The following FAM53B variants were observed in gnomAD, a reference collection of about 807,000 sequenced individuals.
The protein encoded by FAM53B is family with sequence similarity 53 member B.
In FAM53B, 12 loss-of-function variants were observed where a neutral mutation model predicts 32.7. That is an observed-to-expected ratio of 0.37 (90% CI 0.24 to 0.59). FAM53B has a LOEUF of 0.59. FAM53B is among the 20% of genes least tolerant of loss of function. The pLI is 0.72. For synonymous variants in FAM53B, 234 were observed against 228.7 expected (o/e 1.02, Z -0.21); for missense variants, 477 against 577.7 (o/e 0.83, Z 1.79).
intron 2 of FAM53B, among the ~76,000 whole-genome samples, chr10:124,705,903 C>T (rs1949954175): frequency 6.6e-6 from 1 of 152,238 alleles, no homozygotes. Flanking sequence ...CAGTTGGCCC[C>T]TTCCTGATCA....
At chr10:124,709,922 A>G (rs1949989191) in intron 1 of FAM53B, among the ~76,000 whole-genome samples, 1 of 152,014 alleles carries the variant, frequency 6.6e-6, no homozygotes, top group Admixed American at 6.5e-5. Flanking sequence ...AGTTCCGGAG[A>G]GGAACCACGT....
chr10:124,678,231 C>T (rs567850976), intron 4 of FAM53B, among the ~76,000 whole-genome samples: 5 of 152,326 alleles, frequency 3.3e-5, no homozygotes, highest in African/African-American at 7.2e-5. Flanking sequence ...CCAAGTCCTG[C>T]GACTGTGACG....
At position 124,621,219 on chromosome 10, in the gene FAM53B, T is replaced by C. The variant is rs1478633973; in HGVS notation, c.*2023A>G. 6.6e-6 allele frequency: 1 copy of C among 152,184 alleles called. No individual in the cohort carries two copies. The highest frequency in any genetic ancestry group is 1.5e-5 in the Non-Finnish European group (1 of 68,026). The allele number at this position is 152,184 out of a possible 1,614,324, so 9.4% of individuals were successfully genotyped here. ...GCCCTCGGCCACACCGGGCATGTGG[T>C]GCCAGGACCCCCCACGCCCAGTGGT... On this transcript the variant is annotated 3_prime_UTR_variant, in exon 5 of 5. Coordinates refer to ENST00000337318, the MANE Select transcript of FAM53B (RefSeq NM_014661.4).
At chr10:124,689,769 C>CA (rs1949822757) in intron 3 of FAM53B, among the ~76,000 whole-genome samples, 1 of 152,218 alleles carries the variant, frequency 6.6e-6, no homozygotes, top group Non-Finnish European at 1.5e-5. Context: ...TTTGCTCTTA[C>CA]AAAAAGATGC....
At chr10:124,631,321 AAGG>A (rs1286830092) in intron 4 of FAM53B, among the ~76,000 whole-genome samples, 1 of 152,126 alleles carries the variant, frequency 6.6e-6, no homozygotes, top group Non-Finnish European at 1.5e-5. Flanking sequence ...GGAGTGGGGG[AAGG>A]AGGAGTTGAT....
chr10:124,625,102 A>G (rs1404420193), intron 4 of FAM53B, among the ~76,000 whole-genome samples: 4 of 152,202 alleles, frequency 2.6e-5, no homozygotes, highest in Admixed American at 6.5e-5. Context: ...CAAAGGCTGC[A>G]GTGTTTGTGT....
chr10:124,722,467 T>C (rs1950075450), intron 1 of FAM53B, among the ~76,000 whole-genome samples: 1 of 152,104 alleles, frequency 6.6e-6, no homozygotes, highest in Non-Finnish European at 1.5e-5. Flanking sequence ...TGAAACTAAA[T>C]AAATAATTGT....
At chr10:124,645,551 T>C (rs1274459169) in intron 4 of FAM53B, among the ~76,000 whole-genome samples, 1 of 152,180 alleles carries the variant, frequency 6.6e-6, no homozygotes, top group Non-Finnish European at 1.5e-5. Context: ...AGGCAGTTGC[T>C]AAGATCACTC....
At chr10:124,693,451 A>G (rs1949848387) in intron 3 of FAM53B, among the ~76,000 whole-genome samples, 1 of 150,100 alleles carries the variant, frequency 6.7e-6, no homozygotes, top group Admixed American at 6.7e-5. Flanking sequence ...GCCTGGCGAC[A>G]GTGAGACTCT....
chr10:124,695,705 G>T (rs1949864283), intron 3 of FAM53B, among the ~76,000 whole-genome samples: 1 of 150,412 alleles, frequency 6.6e-6, no homozygotes, highest in South Asian at 2.1e-4. Flanking sequence ...AATGCTGTGG[G>T]AAGATGATGG....
chr10:124,673,216 C>T (rs1949717666), intron 4 of FAM53B, among the ~76,000 whole-genome samples: 1 of 152,132 alleles, frequency 6.6e-6, no homozygotes, highest in African/African-American at 2.4e-5. Context: ...CCCCCAGAAC[C>T]TACAGTCCAT....
chr10:124,673,080 G>A (rs1405049532), intron 4 of FAM53B, among the ~76,000 whole-genome samples: 1 of 152,152 alleles, frequency 6.6e-6, no homozygotes, highest in Non-Finnish European at 1.5e-5. Context: ...TTGGAAGCCA[G>A]CCCTGCTGCT....
Position 124,682,382 on chromosome 10 carries a change from G to A in FAM53B, c.134-3C>T, listed in dbSNP as rs1949779319. On this transcript the variant is annotated splice_polypyrimidine_tract_variant and splice_region_variant and intron_variant, in intron 3 of 4. Coordinates refer to ENST00000337318, the MANE Select transcript of FAM53B (RefSeq NM_014661.4). The surrounding 1 kb of genome is among the most constrained non-coding windows in gnomAD (Gnocchi z 5.2). ...CAGGTCTCGCCATCTGTCATTTTCTGGTTCATAAATGACAAGGAGAAAACA... is the reference window on the plus strand; with the variant it reads ...CAGGTCTCGCCATCTGTCATTTTCTAGTTCATAAATGACAAGGAGAAAACA... The A allele has an allele frequency of 1.3e-6, 2 of 1,590,112 alleles. No individual in the cohort carries two copies. Among genetic ancestry groups the A allele is most frequent in the South Asian group, 2.2e-5 (2 of 90,458 alleles).
At chr10:124,663,075 C>T (rs1382886096) in intron 4 of FAM53B, among the ~76,000 whole-genome samples, 3 of 152,234 alleles carry the variant, frequency 2.0e-5, no homozygotes, top group African/African-American at 2.4e-5. Context: ...AAGCCTGTGC[C>T]TTCTTGTCCT....
At chr10:124,693,462 G>A (rs1461932327) in intron 3 of FAM53B, among the ~76,000 whole-genome samples, 1 of 143,430 alleles carries the variant, frequency 7.0e-6, no homozygotes, top group Non-Finnish European at 1.5e-5. Context: ...GTGAGACTCT[G>A]TCTCAAAAAA....
Position 124,682,300 on chromosome 10 carries a change from C to T in FAM53B, c.213G>A (p.Leu71=), listed in dbSNP as rs137986296. The change falls in exon 4 of 5, where the codon CTG becomes CTA. Residue 71 remains leucine (L), a synonymous_variant. Transcript: ENST00000337318. This position sits in a 1 kb window ranked among gnomAD's most constrained non-coding sequence, Gnocchi z 5.2. The part of the protein sequence containing the change: ...DQPSTSIWEC[L]PEKDSSLWHR... ...GCCATAGTGAGCTGTCCTTTTCAGG[C>T]AGGCATTCCCAGATGCTGGTGCTCG... The T allele has an allele frequency of 1.3e-5, 21 of 1,613,994 alleles. 2 individuals carry two copies. The African/African-American group carries it at 2.5e-4, about 19-fold the overall frequency.
At chr10:124,736,612 C>G (rs530243937) in intron 1 of FAM53B, among the ~76,000 whole-genome samples, 15 of 152,410 alleles carry the variant, frequency 9.8e-5, no homozygotes, top group African/African-American at 3.4e-4. Flanking sequence ...GGGCCGAGGC[C>G]TCTCCCAGCT....
intron 4 of FAM53B, among the ~76,000 whole-genome samples, chr10:124,657,942 G>T (rs1331704158): frequency 6.6e-6 from 1 of 152,206 alleles, no homozygotes. Context: ...AGCCAGGAAG[G>T]TTCCTTTCTG....
intron 4 of FAM53B, among the ~76,000 whole-genome samples, chr10:124,644,376 G>T (rs745819718): frequency 6.6e-6 from 1 of 152,184 alleles, no homozygotes; most frequent in Non-Finnish European, 1.5e-5. Context: ...AGGAGCTTTG[G>T]CTCTGCAAAG....
Sources: allele counts gnomAD v4.1 joint callset (sites outside exome capture counted in the v4.1 genomes callset), GRCh38; gene constraint gnomAD v4.1.1; non-coding constraint Gnocchi (gnomAD v3.1); transcripts MANE v1.5; gene names NCBI Gene and HGNC (gene_info 2026-07-23, HGNC 2026-07-21).